The following ERO1B variants were observed in gnomAD, a reference collection of about 807,000 sequenced individuals.
ERO1B encodes the protein endoplasmic reticulum oxidoreductase 1 beta.
ERO1B carries 49 observed loss-of-function variants against 75.3 expected under a neutral mutation model. The observed-to-expected ratio is 0.65, with a 90% confidence interval of 0.52 to 0.83. The LOEUF (loss-of-function observed/expected upper bound fraction) is 0.83, where lower values mean the gene tolerates loss of function less well. Among genes scored for constraint, ERO1B ranks in the 40% least tolerant of loss-of-function variants. The probability of loss-of-function intolerance (pLI) is 0.00; values close to 1 mark genes in which losing one functional copy is unlikely to be tolerated. For synonymous variants in ERO1B, 191 were observed against 192.9 expected, an observed-to-expected ratio of 0.99 and a Z score of 0.08; for missense variants, 512 against 560.1, an observed-to-expected ratio of 0.91 and a Z score of 0.87.
chr1:236,252,499 A>G (rs74671302), intron 3 of ERO1B, among the ~76,000 whole-genome samples: 2,090 of 152,314 alleles, frequency 0.014, 19 homozygotes, highest in Non-Finnish European at 0.022. Context: ...CTGCTCTAAC[A>G]AAGTGTAGGC....
rs1297593016 is a variant in ERO1B at position 236,225,073 on chromosome 1, T to C, written c.1119A>G (p.Leu373=). 1.2e-5 allele frequency: 20 copies of C among 1,613,668 alleles called. No individual in the cohort carries two copies. The highest frequency in any genetic ancestry group is 2.7e-5 in the African/African-American group (2 of 74,902). The change falls in exon 13 of 16, where the codon CTA becomes CTG. Residue 373 remains leucine, a synonymous_variant. Coordinates refer to ENST00000354619, the MANE Select transcript of ERO1B (RefSeq NM_019891.4). Reference sequence around the variant, plus strand: ...GTCCCAATCGAGAACTTTTTACCTTTAGTGACTTGGCCCCTTTTTTGTCAC... The same window carrying C: ...GTCCCAATCGAGAACTTTTTACCTTCAGTGACTTGGCCCCTTTTTTGTCAC... ...FAGDKKGAKS[L]KEEFRLHFKN...
At chr1:236,267,023 T>C (rs190950691) in intron 2 of ERO1B, among the ~76,000 whole-genome samples, 46 of 152,364 alleles carry the variant, frequency 3.0e-4, no homozygotes, top group African/African-American at 1.1e-3. Flanking sequence ...CTAATTTCCC[T>C]TTGGGAAACA....
At chr1:236,268,759 G>GCACA (rs1665523509) in intron 2 of ERO1B, among the ~76,000 whole-genome samples, 1 of 152,034 alleles carries the variant, frequency 6.6e-6, no homozygotes, top group African/African-American at 2.4e-5. Flanking sequence ...GGTGGCAGGT[G>GCACA]CCTGTAGTCC....
At chr1:236,279,843 C>A (rs1282062101) in intron 1 of ERO1B, among the ~76,000 whole-genome samples, 45 of 135,274 alleles carry the variant, frequency 3.3e-4, no homozygotes, top group Non-Finnish European at 4.4e-4. Context: ...GACACTATCT[C>A]AAAAAAAAAA....
chr1:236,243,600 G>T, intron 5 of ERO1B, 105 bp from the exon 6 acceptor site: 1 of 666,886 alleles, frequency 1.5e-6, no homozygotes, highest in African/African-American at 1.9e-5. Context: ...GTCAGTTAAA[G>T]ATTAGATGAT....
chr1:236,262,298 T>C (rs1665310234), intron 2 of ERO1B, among the ~76,000 whole-genome samples: 2 of 152,266 alleles, frequency 1.3e-5, no homozygotes, highest in South Asian at 2.1e-4. Context: ...TTCACAGGAA[T>C]GAAACTGGAT....
At chr1:236,245,921 T>C (rs1664875812) in intron 5 of ERO1B, among the ~76,000 whole-genome samples, 1 of 151,714 alleles carries the variant, frequency 6.6e-6, no homozygotes. Flanking sequence ...TGATGTTATA[T>C]GGGTGGACAC....
At chr1:236,221,657 C>T (rs1009852242) in intron 14 of ERO1B, 7 of 330,892 alleles carry the variant, frequency 2.1e-5, no homozygotes, top group African/African-American at 4.3e-5. Flanking sequence ...GTAATGACCA[C>T]CAACTTCACA....
chr1:236,218,462 A>G lies in ERO1B; in HGVS notation c.*54T>C. On this transcript the variant is annotated 3_prime_UTR_variant, in exon 16 of 16. Coordinates refer to ENST00000354619, the MANE Select transcript of ERO1B (RefSeq NM_019891.4). Reference sequence around the variant, plus strand: ...GTCTTTCTGATGAATGTCCATAATTAAAAGGCTTTCCACAGTCACTTTATG... The same window carrying G: ...GTCTTTCTGATGAATGTCCATAATTGAAAGGCTTTCCACAGTCACTTTATG... 7.3e-7 allele frequency: 1 copy of G among 1,365,842 alleles called. No homozygotes were observed. Among genetic ancestry groups the G allele is most frequent in the Non-Finnish European group, 9.5e-7 (1 of 1,048,236 alleles). 84.6% of individuals were successfully genotyped at this position (1,365,842 alleles called of 1,614,324 possible). A position where few individuals can be genotyped will look rare whatever the true frequency, so the allele number is the denominator to read the frequency against.
intron 2 of ERO1B, among the ~76,000 whole-genome samples, chr1:236,261,876 A>C (rs1178260352): frequency 2.0e-5 from 3 of 152,156 alleles, no homozygotes; most frequent in African/African-American, 7.2e-5. Flanking sequence ...CAAGGTTTTC[A>C]AGGCTACAGT....
At chr1:236,270,541 C>T (rs1665566992) in intron 1 of ERO1B, among the ~76,000 whole-genome samples, 1 of 151,944 alleles carries the variant, frequency 6.6e-6, no homozygotes, top group African/African-American at 2.4e-5. Context: ...GAACTTATTC[C>T]CAATCTATCA....
At chr1:236,278,579 T>G (rs1264462520) in intron 1 of ERO1B, among the ~76,000 whole-genome samples, 4 of 152,154 alleles carry the variant, frequency 2.6e-5, no homozygotes, top group African/African-American at 9.7e-5. Context: ...ATTTAAGTTC[T>G]AAGTTTCTGG....
In ERO1B at chr1:236,281,637, G is replaced by C. The variant is rs1299221746; in HGVS notation, c.102+45C>G. 1.0e-5 allele frequency: 13 copies of C among 1,276,534 alleles called. No homozygotes were observed. The Admixed American group carries it at 1.7e-4, about 17-fold the overall frequency. The allele number at this position is 1,276,534 out of a possible 1,614,324, so 79.1% of individuals were successfully genotyped here. A position where few individuals can be genotyped will look rare whatever the true frequency, so the allele number is the denominator to read the frequency against. On this transcript the variant is annotated intron_variant, in intron 1 of 15. Coordinates refer to ENST00000354619, the MANE Select transcript of ERO1B (RefSeq NM_019891.4). ...GCCGCGGCCCGTGTGTAGCGGCCGC[G>C]GGTGTTCGGCCGGGGGTTCCCGGCC... is the stretch of plus-strand genomic sequence containing the variant.
intron 2 of ERO1B, among the ~76,000 whole-genome samples, chr1:236,257,871 A>G (rs1665196846): frequency 6.6e-6 from 1 of 151,420 alleles, no homozygotes; most frequent in African/African-American, 2.4e-5. Flanking sequence ...AAATCATCCA[A>G]TCTGAGGAAC....
chr1:236,246,473 T>TA (rs1235294235), intron 5 of ERO1B, among the ~76,000 whole-genome samples: 2 of 152,114 alleles, frequency 1.3e-5, no homozygotes, highest in East Asian at 3.9e-4. Flanking sequence ...TGTCCAACTG[T>TA]ATCCACCAAA....
rs139858014 is a variant in ERO1B, at chr1:236,220,872, T to C, written c.1303A>G (p.Thr435Ala). The C allele has an allele frequency of 1.4e-5, 23 of 1,594,880 alleles. No individual in the cohort carries two copies. In the African/African-American group the frequency reaches 2.8e-4, roughly 20 times the overall value. Residue 435 changes from threonine to alanine, a missense_variant, in exon 15 of 16, where the codon ACC becomes GCC. By Grantham distance (58) the Thr-to-Ala change is moderately conservative (BLOSUM62 0). Coordinates refer to ENST00000354619, the MANE Select transcript of ERO1B (RefSeq NM_019891.4). The stretch of plus-strand genomic sequence containing the variant: ...AAAAGAGCAACTATTTCCTGTCGGG[T>C]GAGTTGGAAGCCTTTAGATGGACTA... Reference protein sequence around the residue: ...ENSPSKGFQLTRQEIVALLNA... With the variant: ...ENSPSKGFQLARQEIVALLNA...
At chr1:236,236,587 C>A (rs1664553575) in intron 6 of ERO1B, among the ~76,000 whole-genome samples, 189 bp from the exon 7 acceptor site, 1 of 150,424 alleles carries the variant, frequency 6.6e-6, no homozygotes, top group Non-Finnish European at 1.5e-5. Context: ...ATAACTTGGA[C>A]AAATTCCTTA....
chr1:236,267,290 A>C (rs888738251), intron 2 of ERO1B, among the ~76,000 whole-genome samples: 3 of 152,108 alleles, frequency 2.0e-5, no homozygotes, highest in African/African-American at 7.2e-5. Flanking sequence ...GCTACTTCAT[A>C]TCTTTTCTTA....
At chr1:236,244,905 G>A (rs1292079607) in intron 5 of ERO1B, among the ~76,000 whole-genome samples, 1 of 152,140 alleles carries the variant, frequency 6.6e-6, no homozygotes, top group Non-Finnish European at 1.5e-5. Flanking sequence ...TCAAGATAGT[G>A]TCCCAAGGTT....
Sources: gnomAD v4.1 joint callset for allele counts (sites outside exome capture counted in the v4.1 genomes callset) on GRCh38, gnomAD v4.1.1 for gene constraint, MANE v1.5 for transcripts, NCBI Gene and HGNC (gene_info 2026-07-23, HGNC 2026-07-21) for gene names.